The following SPOP variants were observed in gnomAD, a reference collection of about 807,000 sequenced individuals.
The protein encoded by SPOP is speckle-type POZ protein.
In SPOP, 11 loss-of-function variants were observed where a neutral mutation model predicts 45.6. The ratio of observed to expected loss-of-function variants is 0.24; its 90% CI spans 0.15 to 0.40. The LOEUF (loss-of-function observed/expected upper bound fraction) is 0.40, where lower values mean the gene tolerates loss of function less well. SPOP is among the 10% of genes least tolerant of loss of function. The pLI, the probability that SPOP is intolerant of heterozygous loss-of-function variation, is 1.00. For synonymous variants in SPOP, 166 were observed against 166.3 expected (o/e 1.00, Z 0.01); for missense variants, 152 against 465.6 (o/e 0.33, Z 6.20).
At chr17:49,636,640 A>G (rs185639520) in intron 1 of SPOP, 59 of 152,358 alleles carry the variant, frequency 3.9e-4, no homozygotes, top group African/African-American at 1.3e-3. Flanking sequence ...AAAATGAAAC[A>G]GTAGATTGTA....
intron 1 of SPOP, among the ~76,000 whole-genome samples, chr17:49,651,605 C>T (rs140272237): frequency 2.6e-5 from 4 of 152,242 alleles, no homozygotes; most frequent in Admixed American, 6.5e-5. Context: ...TCTTTATTTC[C>T]GGAATAAAAG....
At chr17:49,616,962 G>C (rs2072099794) in intron 5 of SPOP, among the ~76,000 whole-genome samples, 1 of 152,254 alleles carries the variant, frequency 6.6e-6, no homozygotes, top group Non-Finnish European at 1.5e-5. Context: ...AGTGAAGGGA[G>C]AGAGCGAGCG....
chr17:49,669,763 C>CAA (rs3034924), intron 1 of SPOP, among the ~76,000 whole-genome samples: 14,993 of 102,524 alleles, frequency 0.15, 1,484 homozygotes, highest in African/African-American at 0.22. Context: ...GACTCTGCCT[C>CAA]AAAAAAAAAA....
chr17:49,652,684 A>C (rs2072858215), intron 1 of SPOP, among the ~76,000 whole-genome samples: 1 of 152,218 alleles, frequency 6.6e-6, no homozygotes, highest in South Asian at 2.1e-4. Context: ...CTGCATACCA[A>C]ATGGAACAAA....
intron 1 of SPOP, among the ~76,000 whole-genome samples, chr17:49,666,209 G>A (rs765210708): frequency 7.2e-5 from 11 of 151,732 alleles, no homozygotes; most frequent in Non-Finnish European, 1.6e-4. Flanking sequence ...GGGAACAGAT[G>A]GACTATTCAA....
intron 1 of SPOP, among the ~76,000 whole-genome samples, chr17:49,659,982 A>G (rs1184431119): frequency 6.6e-6 from 1 of 152,202 alleles, no homozygotes; most frequent in Non-Finnish European, 1.5e-5. Context: ...TTCTTTCTTT[A>G]ACATACTTCT....
At position 49,599,065 on chromosome 17, in the gene SPOP, C is replaced by A. The variant is rs1297548419; in HGVS notation, c.*1313G>T. On this transcript the variant is annotated 3_prime_UTR_variant, in exon 10 of 10. Coordinates refer to ENST00000504102, the MANE Select transcript of SPOP (RefSeq NM_001007228.2). ...GCCTGATCCCTCATCAGGATATGGA[C>A]TGTGAGATACTCAGGGAGGACAAGA... 4.8e-6 allele frequency: 1 copy of A among 206,370 alleles called. No homozygotes were observed. 12.8% of individuals were successfully genotyped at this position (206,370 alleles called of 1,614,324 possible).
At chr17:49,622,473 C>CT (rs1364218384) in intron 2 of SPOP, 3 of 544,088 alleles carry the variant, frequency 5.5e-6, no homozygotes, top group Non-Finnish European at 9.9e-6. Flanking sequence ...TCAGAACACA[C>CT]TTTCATCAAG....
At chr17:49,610,851 T>C (rs2143189196) in intron 6 of SPOP, among the ~76,000 whole-genome samples, 1 of 152,290 alleles carries the variant, frequency 6.6e-6, no homozygotes, top group Middle Eastern at 3.4e-3. Context: ...TTCATTCTTC[T>C]AGTATGTTTA....
chr17:49,678,163 C>T (rs1309372632), upstream of SPOP: 1 of 392,958 alleles, frequency 2.5e-6, no homozygotes, highest in Admixed American at 4.4e-5. Context: ...GCCTCCTCCC[C>T]ATTACTCCCT....
intron 5 of SPOP, among the ~76,000 whole-genome samples, chr17:49,615,501 T>C (rs898338528): frequency 6.6e-6 from 1 of 152,126 alleles, no homozygotes; most frequent in Non-Finnish European, 1.5e-5. Flanking sequence ...TATTTATTTA[T>C]TTATTTATTT....
intron 1 of SPOP, among the ~76,000 whole-genome samples, chr17:49,638,150 T>C (rs1229098593): frequency 1.3e-5 from 2 of 152,212 alleles, no homozygotes; most frequent in African/African-American, 4.8e-5. Flanking sequence ...ATCTACCATA[T>C]CCTACAAAGT....
intron 1 of SPOP, among the ~76,000 whole-genome samples, chr17:49,642,462 A>G (rs1037195132): frequency 2.0e-5 from 3 of 152,142 alleles, no homozygotes; most frequent in African/African-American, 7.2e-5. Flanking sequence ...ACTGCACTCC[A>G]GCCTGGGTGA....
chr17:49,637,924 G>C (rs573361888), intron 1 of SPOP, among the ~76,000 whole-genome samples: 2 of 152,330 alleles, frequency 1.3e-5, no homozygotes, highest in South Asian at 2.1e-4. Flanking sequence ...CTGGAGTACA[G>C]TGGCTACTCA....
At chr17:49,674,003 G>A (rs749953977) in intron 1 of SPOP, among the ~76,000 whole-genome samples, 1 of 152,072 alleles carries the variant, frequency 6.6e-6, no homozygotes, top group Non-Finnish European at 1.5e-5. Flanking sequence ...AAAATTAGCC[G>A]GGCGTGGTGT....
intron 1 of SPOP, among the ~76,000 whole-genome samples, chr17:49,639,100 A>G (rs375827807): frequency 1.2e-4 from 18 of 152,378 alleles, no homozygotes; most frequent in South Asian, 8.3e-4. Flanking sequence ...CAAGGTTCCC[A>G]ACCCTCTGAG....
chr17:49,672,463 T>C (rs1415834898), intron 1 of SPOP, among the ~76,000 whole-genome samples: 1 of 152,230 alleles, frequency 6.6e-6, no homozygotes, highest in Non-Finnish European at 1.5e-5. Flanking sequence ...CATTATGACA[T>C]TGTGTTTCTC....
At chr17:49,664,804 A>T (rs1237749861) in intron 1 of SPOP, among the ~76,000 whole-genome samples, 4 of 152,138 alleles carry the variant, frequency 2.6e-5, no homozygotes, top group Non-Finnish European at 4.4e-5. Flanking sequence ...ATGGAGACTA[A>T]AGCCTATTTA....
At chr17:49,613,871 GA>G (rs2072027702) in intron 5 of SPOP, among the ~76,000 whole-genome samples, 1 of 152,118 alleles carries the variant, frequency 6.6e-6, no homozygotes, top group African/African-American at 2.4e-5. Context: ...AAAAACTAAA[GA>G]TTTTTTTTAA....
Sources: gnomAD v4.1 joint callset for allele counts (sites outside exome capture counted in the v4.1 genomes callset) on GRCh38, gnomAD v4.1.1 for gene constraint, MANE v1.5 for transcripts, NCBI Gene and HGNC (gene_info 2026-07-23, HGNC 2026-07-21) for gene names.